SEC16B: variants seen among roughly 807,000 people sequenced by gnomAD.
SEC16B encodes the protein protein transport protein Sec16B.
SEC16B carries 115 observed loss-of-function variants against 141.8 expected under a neutral mutation model. The observed-to-expected ratio is 0.81, with a 90% CI of 0.70 to 0.95. SEC16B has a LOEUF of 0.95. Among genes scored for constraint, SEC16B ranks in the 40% least tolerant of loss-of-function variants. SEC16B has a pLI of 0.00. For synonymous variants in SEC16B, 493 were observed against 492.5 expected, an observed-to-expected ratio of 1.00 and a Z score of -0.01; for missense variants, 1,291 against 1,312.3, an observed-to-expected ratio of 0.98 and a Z score of 0.25.
At chr1:177,934,187 C>G (rs1381774764) in intron 20 of SEC16B, among the ~76,000 whole-genome samples, 1 of 151,868 alleles carries the variant, frequency 6.6e-6, no homozygotes, top group Non-Finnish European at 1.5e-5. Context: ...GCCATTTTAA[C>G]TATTTTTAAA....
At chr1:177,940,058 T>C (rs536593013) in intron 17 of SEC16B, among the ~76,000 whole-genome samples, 28 of 152,116 alleles carry the variant, frequency 1.8e-4, no homozygotes, top group Admixed American at 3.3e-4. Flanking sequence ...GTGCAGCAGA[T>C]AGAAGGGGTA....
chr1:177,962,986 T>C lies in SEC16B; in HGVS notation c.642+1185A>G, dbSNP rs528178903. ...AGCTGGGCATGGTGGTGCACACCTG[T>C]AGTCCCAGCTACTAGGAAGGCCGAG... is the stretch of plus-strand genomic sequence containing the variant. On this transcript the variant is annotated intron_variant, in intron 5 of 25. Transcript: ENST00000308284. Among the ~76,000 whole-genome samples the C allele has an allele frequency of 7.9e-5, 12 of 151,778 alleles. No homozygotes were observed. The South Asian group carries it at 2.5e-3, about 32-fold the overall frequency.
At chr1:177,980,801 A>C (rs2102031595) in intron 1 of SEC16B, among the ~76,000 whole-genome samples, 1 of 152,128 alleles carries the variant, frequency 6.6e-6, no homozygotes, top group African/African-American at 2.4e-5. Flanking sequence ...AGAAAAAAAA[A>C]ATCTGCCTCA....
rs748841410 is a variant in SEC16B at position 177,951,963 on chromosome 1, A to G, written c.1496T>C (p.Leu499Pro). 8.1e-6 allele frequency: 13 copies of G among 1,607,152 alleles called. No homozygotes were observed. The highest frequency in any genetic ancestry group is 1.1e-5 in the Non-Finnish European group (13 of 1,177,260). Residue 499 changes from leucine to proline, a missense_variant, in exon 12 of 26, where the codon CTG becomes CCG. Physicochemically the swap from Leu to Pro is moderately conservative, Grantham distance 98. Around this residue, in one of 3 missense-constraint regions of SEC16B, gnomAD observed 681 missense variants for 675.5 expected, o/e 1.01. Transcript: ENST00000308284. ...FTSTLALNDP[L>P]QTLFQLMSGR... is the part of the protein sequence containing the mutation. ...CGACATGAGCTGGAAGAGGGTCTGC[A>G]GTGGGTCATTGAGCGCCAGCGTGCT...
intron 4 of SEC16B, 22 bp downstream of exon 4, chr1:177,965,025 T>C (rs760231407): frequency 1.2e-6 from 2 of 1,612,028 alleles, no homozygotes; most frequent in African/African-American, 2.7e-5. Context: ...CATGTCAAAC[T>C]GGCCTCTCCT....
At chr1:177,960,464 C>A in intron 7 of SEC16B, 61 bp from the exon 8 acceptor site, 2 of 1,189,132 alleles carry the variant, frequency 1.7e-6, no homozygotes, top group South Asian at 2.6e-5. Context: ...CCCTTTCAGT[C>A]AAGTCTAGTG....
chr1:177,947,776 AG>A (rs1433178238), intron 13 of SEC16B, 48 bp downstream of exon 13: 1 of 976,434 alleles, frequency 1.0e-6, no homozygotes, highest in East Asian at 3.6e-5. Context: ...AGGGGAGGGG[AG>A]GGAAGGGACA....
rs938761181 is a variant in SEC16B at position 177,936,330 on chromosome 1, G to A, written c.2539C>T (p.Pro847Ser). Residue 847 changes from proline (P) to serine (S), a missense_variant, in exon 20 of 26, where the codon CCT becomes TCT. Physicochemically the swap from Pro to Ser is moderately conservative, Grantham distance 74. Around this residue, in one of 3 missense-constraint regions of SEC16B, gnomAD observed 605 missense variants for 614.1 expected, o/e 0.99. Coordinates refer to ENST00000308284, the MANE Select transcript of SEC16B (RefSeq NM_033127.4). ...TTGGAAATGACCTCTTGGCCATCAG[G>A]AGGCTGGGAAGTTTCTTGAGACACT... is the stretch of plus-strand genomic sequence containing the variant. ...NTVSQETSQPPDGQEVISKPQ... is the reference protein window; with the variant it reads ...NTVSQETSQPSDGQEVISKPQ... 3 of 1,611,314 alleles carry A rather than the reference G, an allele frequency of 1.9e-6. No individual in the cohort carries two copies.
At chr1:177,963,266 A>T (rs1653225664) in intron 5 of SEC16B, among the ~76,000 whole-genome samples, 1 of 151,942 alleles carries the variant, frequency 6.6e-6, no homozygotes, top group African/African-American at 2.4e-5. Context: ...ACCTCATACA[A>T]ACCTAATAAG....
intron 18 of SEC16B, 58 bp downstream of exon 18, chr1:177,939,644 C>T: frequency 1.5e-6 from 2 of 1,365,934 alleles, no homozygotes; most frequent in South Asian, 1.3e-5. Context: ...TACTTTGTCT[C>T]GTAGAATCAG....
chr1:177,960,968 T>A lies in SEC16B; in HGVS notation c.788-29A>T. 1.9e-6 allele frequency: 3 copies of A among 1,542,904 alleles called. No individual in the cohort carries two copies. In the Middle Eastern group the frequency reaches 5.3e-4, roughly 272 times the overall value. ...CTGACCAACAGACACAGATGGACAT[T>A]GTTAGCGTTACTTCCATCACTTTTC... On this transcript the variant is annotated intron_variant, in intron 6 of 25. Coordinates refer to ENST00000308284, the MANE Select transcript of SEC16B (RefSeq NM_033127.4).
chr1:177,931,228 G>A (rs1205222672), intron 24 of SEC16B, among the ~76,000 whole-genome samples: 1 of 152,204 alleles, frequency 6.6e-6, no homozygotes, highest in Non-Finnish European at 1.5e-5. Flanking sequence ...GTATACGATG[G>A]AATACACTCA....
chr1:177,960,121 T>A, intron 8 of SEC16B: 1 of 557,586 alleles, frequency 1.8e-6, no homozygotes, highest in Admixed American at 3.2e-5. Flanking sequence ...ATTTCTAAAC[T>A]GTCATGCTAA....
Position 177,934,848 on chromosome 1 carries a change from C to T in SEC16B, c.2572-1212G>A, listed in dbSNP as rs558296062. Among the ~76,000 whole-genome samples the T allele has an allele frequency of 7.8e-4, 118 of 152,146 alleles. 1 individual carries two copies. The highest frequency in any genetic ancestry group is 4.8e-3 in the South Asian group (23 of 4,812). ...GAATGGAGGGAGGGAGGGGAAAGGA[C>T]GCAACACTCACAATGATTAACGACA... is the stretch of plus-strand genomic sequence containing the variant. On this transcript the variant is annotated intron_variant, in intron 20 of 25. Transcript: ENST00000308284.
rs1273972828 is a variant in SEC16B at position 177,940,673 on chromosome 1, T to C, written c.2064A>G (p.Glu688=). ...CCAGGTCCCTGTCTCCACTGCGTCT[T>C]TCTAAAACCAGAGGATCTGACAGCT... ...KLKLSDPLVL[E]RRSGDRDLEP... is the part of the protein sequence containing the mutation. The change falls in exon 17 of 26, where the codon GAA becomes GAG. Residue 688 remains glutamate (E), a synonymous_variant. Coordinates refer to ENST00000308284, the MANE Select transcript of SEC16B (RefSeq NM_033127.4). The C allele has an allele frequency of 6.8e-6, 11 of 1,613,772 alleles. No homozygotes were observed. The highest frequency in any genetic ancestry group is 9.3e-6 in the Non-Finnish European group (11 of 1,179,862).
At chr1:177,964,519 T>C (rs1399181973) in intron 4 of SEC16B, among the ~76,000 whole-genome samples, 1 of 152,048 alleles carries the variant, frequency 6.6e-6, no homozygotes, top group Non-Finnish European at 1.5e-5. Context: ...ATGAGAAGGG[T>C]TGGTCTCTAC....
At chr1:177,969,483 C>T (rs1032900883) in intron 1 of SEC16B, among the ~76,000 whole-genome samples, 10 of 152,174 alleles carry the variant, frequency 6.6e-5, no homozygotes, top group Non-Finnish European at 1.5e-4. Context: ...CAGGGAAGGG[C>T]ACATGAGCCT....
In SEC16B at chr1:177,976,055, T is replaced by A. The variant is rs138890617; in HGVS notation, c.-58-8016A>T. Among the ~76,000 whole-genome samples, 59 of 152,300 alleles carry A rather than the reference T, an allele frequency of 3.9e-4. 1 individual carries two copies. In the East Asian group the frequency reaches 0.011, roughly 28 times the overall value. ...TGGGATTGTTACTCTTACCACAACC[T>A]TAGGAGTGAAGGTTTAGGCACAATG... is the stretch of plus-strand genomic sequence containing the variant. On this transcript the variant is annotated intron_variant and NMD_transcript_variant, in intron 1 of 24. Transcript: ENST00000528461.
At position 177,958,993 on chromosome 1, in the gene SEC16B, A is replaced by G; in HGVS notation, c.999-18T>C. 6.2e-7 allele frequency: 1 copy of G among 1,608,158 alleles called. No homozygotes were observed. Among genetic ancestry groups the G allele is most frequent in the Non-Finnish European group, 8.5e-7 (1 of 1,177,504 alleles). On this transcript the variant is annotated intron_variant, in intron 8 of 25. Coordinates refer to ENST00000308284, the MANE Select transcript of SEC16B (RefSeq NM_033127.4). ...CATCTTCCCTACATGGAAAAAATTT[A>G]GGGAGCAAAGAGTGAGCAGGCAGAC...
Sources: allele counts gnomAD v4.1 joint callset (sites outside exome capture counted in the v4.1 genomes callset), GRCh38; gene constraint gnomAD v4.1.1; regional missense constraint gnomAD v4.1.1; transcripts MANE v1.5; gene names NCBI Gene and HGNC (gene_info 2026-07-23, HGNC 2026-07-21).